SAMMSON: variants seen among roughly 807,000 people sequenced by gnomAD.
SAMMSON encodes long intergenic non-protein coding RNA 1212.
At chr3:70,427,819 A>G (rs1701383968) in intron 2 of SAMMSON, among the ~76,000 whole-genome samples, 1 of 151,836 alleles carries the variant, frequency 6.6e-6, no homozygotes, top group African/African-American at 2.4e-5. Context: ...ATAGTTGCGG[A>G]GTCTCTTGCT....
At chr3:70,274,080 T>C (rs553994700) in intron 6 of SAMMSON, among the ~76,000 whole-genome samples, 16 of 149,452 alleles carry the variant, frequency 1.1e-4, no homozygotes, top group African/African-American at 3.2e-4. Flanking sequence ...TGTGTGTGTG[T>C]GTGTGTGTGT....
At chr3:70,056,622 G>T (rs1168083397) in intron 3 of SAMMSON, among the ~76,000 whole-genome samples, 1 of 151,716 alleles carries the variant, frequency 6.6e-6, no homozygotes, top group East Asian at 1.9e-4. Flanking sequence ...GGTGGAAAGT[G>T]ATTTAACAAA....
chr3:69,999,675 C>G (rs950760248), upstream of SAMMSON: 5 of 152,378 alleles, frequency 3.3e-5, no homozygotes, highest in Non-Finnish European at 7.3e-5. Flanking sequence ...CCAAGCCTAC[C>G]CTTGCCGGCC....
intron 4 of SAMMSON, among the ~76,000 whole-genome samples, chr3:70,169,781 A>G (rs1178537665): frequency 6.6e-6 from 1 of 151,748 alleles, no homozygotes; most frequent in South Asian, 2.1e-4. Flanking sequence ...GGAAGGAAGG[A>G]CTTAGAATGA....
intron 2 of SAMMSON, among the ~76,000 whole-genome samples, chr3:70,398,828 T>C (rs1309112868): frequency 3.3e-5 from 5 of 152,242 alleles, no homozygotes; most frequent in African/African-American, 1.2e-4. Flanking sequence ...GTCAGCCTCA[T>C]GGCTTTTGGA....
chr3:70,095,721 T>C (rs1385313401), intron 4 of SAMMSON, among the ~76,000 whole-genome samples: 5 of 152,150 alleles, frequency 3.3e-5, no homozygotes, highest in Non-Finnish European at 4.4e-5. Flanking sequence ...AGAAAATATA[T>C]AGAAAGAACT....
chr3:70,423,235 G>C (rs937532887), intron 2 of SAMMSON, among the ~76,000 whole-genome samples: 1 of 152,098 alleles, frequency 6.6e-6, no homozygotes. Flanking sequence ...TGGGGCTGGG[G>C]ATTACAAGTA....
chr3:70,147,676 G>A lies in SAMMSON; in HGVS notation n.507+76111G>A, dbSNP rs530591210. Among the ~76,000 whole-genome samples, 3 of 152,106 alleles carry A rather than the reference G, an allele frequency of 2.0e-5. No homozygotes were observed. The South Asian group carries it at 6.2e-4, about 32-fold the overall frequency. On this transcript the variant is annotated intron_variant and non_coding_transcript_variant, in intron 4 of 9. Coordinates refer to ENST00000642114, the Ensembl canonical transcript of SAMMSON. ...AACTCAAAATGGATCTTTCATCTAA[G>A]CATAAAATTATAAATCTTTTAGAAG...
chr3:70,316,912 C>T (rs1316575623), intron 7 of SAMMSON, among the ~76,000 whole-genome samples: 10 of 151,894 alleles, frequency 6.6e-5, no homozygotes, highest in Admixed American at 5.3e-4. Flanking sequence ...ATTTTTATAC[C>T]TGCTTTTTCT....
At chr3:70,355,263 C>T (rs184237440) in intron 8 of SAMMSON, among the ~76,000 whole-genome samples, 34 of 152,224 alleles carry the variant, frequency 2.2e-4, no homozygotes, top group Admixed American at 2.2e-3. Flanking sequence ...ATTTTCTCAT[C>T]ACACATTCTT....
intron 1 of SAMMSON, among the ~76,000 whole-genome samples, chr3:70,004,852 C>A (rs2066919949): frequency 6.6e-6 from 1 of 151,998 alleles, no homozygotes; most frequent in African/African-American, 2.4e-5. Flanking sequence ...TAAAACAATA[C>A]ATAGAGTTCA....
intron 3 of SAMMSON, among the ~76,000 whole-genome samples, chr3:70,062,856 G>T (rs2067195519): frequency 6.6e-6 from 1 of 152,122 alleles, no homozygotes; most frequent in African/African-American, 2.4e-5. Context: ...CGTGAGCTCA[G>T]TCCAAAGTGA....
intron 4 of SAMMSON, among the ~76,000 whole-genome samples, chr3:70,111,842 A>G (rs967111916): frequency 4.6e-5 from 7 of 152,126 alleles, no homozygotes; most frequent in Admixed American, 1.3e-4. Flanking sequence ...GAGAGGGGAA[A>G]GGGAGAGACA....
At chr3:70,364,095 C>A (rs1278320187) in intron 9 of SAMMSON, among the ~76,000 whole-genome samples, 1 of 151,822 alleles carries the variant, frequency 6.6e-6, no homozygotes, top group African/African-American at 2.4e-5. Context: ...CAATGTACAG[C>A]ATATATAGTT....
chr3:70,298,381 C>T (rs1440418130), intron 7 of SAMMSON, among the ~76,000 whole-genome samples: 4 of 152,008 alleles, frequency 2.6e-5, no homozygotes, highest in Admixed American at 2.0e-4. Flanking sequence ...GTTTAGTTAG[C>T]CAACATCAAC....
intron 4 of SAMMSON, among the ~76,000 whole-genome samples, chr3:70,162,267 C>A (rs963284838): frequency 6.6e-6 from 1 of 151,746 alleles, no homozygotes; most frequent in African/African-American, 2.4e-5. Context: ...TAAATATAGG[C>A]ATTTAAAACT....
intron 2 of SAMMSON, among the ~76,000 whole-genome samples, chr3:70,013,245 T>C (rs1219042454): frequency 6.6e-6 from 1 of 152,158 alleles, no homozygotes; most frequent in Non-Finnish European, 1.5e-5. Flanking sequence ...AGGTTTGTAG[T>C]CTTGCCTAGT....
At chr3:70,375,392 GT>G (rs1422954779) in intron 9 of SAMMSON, among the ~76,000 whole-genome samples, 2 of 122,340 alleles carry the variant, frequency 1.6e-5, no homozygotes, top group Admixed American at 8.4e-5. Context: ...CTGTTGAACA[GT>G]TTTTTGTTGT....
intron 4 of SAMMSON, among the ~76,000 whole-genome samples, chr3:70,232,833 C>T (rs752321340): frequency 6.6e-6 from 1 of 152,088 alleles, no homozygotes; most frequent in Non-Finnish European, 1.5e-5. Context: ...GTGATTCTCT[C>T]CTTTGTACAG....
Sources: gnomAD v4.1 joint callset for allele counts (sites outside exome capture counted in the v4.1 genomes callset) on GRCh38, gnomAD v4.1.1 for gene constraint, MANE v1.5 for transcripts, NCBI Gene and HGNC (gene_info 2026-07-23, HGNC 2026-07-21) for gene names.